The following TRPM3 variants were observed in gnomAD, a reference collection of about 807,000 sequenced individuals.
The protein encoded by TRPM3 is transient receptor potential cation channel subfamily M member 3.
In TRPM3, 77 loss-of-function variants were observed where a neutral mutation model predicts 181.2. The observed-to-expected ratio is 0.42, with a 90% CI of 0.35 to 0.51. The LOEUF is 0.51. Among genes scored for constraint, TRPM3 ranks in the 20% least tolerant of loss-of-function variants. TRPM3 has a pLI of 0.01. For synonymous variants in TRPM3, 745 were observed against 796.4 expected, an observed-to-expected ratio of 0.94 and a Z score of 1.09; for missense variants, 1,759 against 2,196.7, an observed-to-expected ratio of 0.80 and a Z score of 3.98.
intron 1 of TRPM3, among the ~76,000 whole-genome samples, chr9:71,023,399 A>C (rs1474644451): frequency 6.6e-6 from 1 of 152,222 alleles, no homozygotes; most frequent in African/African-American, 2.4e-5. Context: ...ATAAAAGTGC[A>C]TAGTTACTCT....
intron 1 of TRPM3, among the ~76,000 whole-genome samples, chr9:71,051,602 TG>T (rs1342471417): frequency 2.0e-5 from 3 of 149,774 alleles, no homozygotes; most frequent in African/African-American, 4.9e-5. Context: ...GGCGGCGGGG[TG>T]GGGGGGTTAT....
chr9:71,209,056 C>A (rs2079308165), intron 1 of TRPM3, among the ~76,000 whole-genome samples: 1 of 152,094 alleles, frequency 6.6e-6, no homozygotes, highest in African/African-American at 2.4e-5. Context: ...TTTAATTATT[C>A]ATATTCCATA....
chr9:71,178,315 AT>A (rs2077218566), intron 1 of TRPM3, among the ~76,000 whole-genome samples: 1 of 152,140 alleles, frequency 6.6e-6, no homozygotes, highest in South Asian at 2.1e-4. Flanking sequence ...AAACATAAAT[AT>A]TTTCCATAGT....
chr9:71,192,417 G>A (rs556223346), intron 1 of TRPM3, among the ~76,000 whole-genome samples: 4 of 151,734 alleles, frequency 2.6e-5, no homozygotes, highest in Admixed American at 6.6e-5. Flanking sequence ...ACAGAGAATT[G>A]TATGTTATCT....
intron 22 of TRPM3, among the ~76,000 whole-genome samples, chr9:70,554,305 T>A (rs564045303): frequency 6.6e-6 from 1 of 152,120 alleles, no homozygotes; most frequent in Non-Finnish European, 1.5e-5. Flanking sequence ...TATAATGGCT[T>A]TAGAACAAGG....
intron 1 of TRPM3, among the ~76,000 whole-genome samples, chr9:71,206,509 C>A (rs989883051): frequency 4.6e-5 from 7 of 152,058 alleles, no homozygotes; most frequent in African/African-American, 1.7e-4. Context: ...GGACAGACTG[C>A]AAAAATTTTC....
At chr9:71,172,737 G>C (rs1319153749) in intron 1 of TRPM3, among the ~76,000 whole-genome samples, 1 of 152,128 alleles carries the variant, frequency 6.6e-6, no homozygotes, top group African/African-American at 2.4e-5. Context: ...TACTGAACAT[G>C]CTATGCGTTA....
intron 1 of TRPM3, among the ~76,000 whole-genome samples, chr9:71,367,518 A>T (rs2092373634): frequency 2.0e-5 from 3 of 152,162 alleles, no homozygotes; most frequent in Non-Finnish European, 4.4e-5. Flanking sequence ...GATTGGAAAT[A>T]AGGTCACGTA....
chr9:71,440,896 TC>T (rs1563935445), intron 1 of TRPM3, among the ~76,000 whole-genome samples: 3 of 152,236 alleles, frequency 2.0e-5, no homozygotes, highest in African/African-American at 7.2e-5. Flanking sequence ...AGAAATATTT[TC>T]TTACTATTTA....
At chr9:71,333,171 AG>A (rs2090329819) in intron 1 of TRPM3, among the ~76,000 whole-genome samples, 1 of 151,926 alleles carries the variant, frequency 6.6e-6, no homozygotes, top group Non-Finnish European at 1.5e-5. Flanking sequence ...GAATCCCAGC[AG>A]GGAACATGAA....
At chr9:70,947,743 G>A (rs1192147274) in intron 1 of TRPM3, among the ~76,000 whole-genome samples, 4 of 152,278 alleles carry the variant, frequency 2.6e-5, no homozygotes, top group African/African-American at 7.2e-5. Context: ...AGCCAGGTGT[G>A]TGTGGGTGGG....
At chr9:71,061,654 T>C (rs1435012754) in intron 1 of TRPM3, among the ~76,000 whole-genome samples, 2 of 152,104 alleles carry the variant, frequency 1.3e-5, no homozygotes, top group Non-Finnish European at 2.9e-5. Context: ...CAGTCTCTAG[T>C]GAGCATCCCT....
rs770423926 is a variant in TRPM3, at chr9:70,537,315, C to T, written c.3798G>A (p.Ala1266=). 48 of 1,527,144 alleles carry T rather than the reference C, an allele frequency of 3.1e-5. No homozygotes were observed. The highest frequency in any genetic ancestry group is 4.6e-5 in the East Asian group (2 of 43,812). 94.6% of individuals were successfully genotyped at this position (1,527,144 alleles called of 1,614,324 possible). ...ASLQTVDIRL[A]QLEDLIGRMA... is the part of the protein sequence containing the mutation. The stretch of plus-strand genomic sequence containing the variant: ...TGCGCCCGATAAGGTCTTCCAGCTG[C>T]GCCAGCCGGATGTCCACGGTCTGGA... The change falls in exon 26 of 26, where the codon GCG becomes GCA. Residue 1266 remains alanine (A), a synonymous_variant. Transcript: ENST00000677713.
intron 19 of TRPM3, among the ~76,000 whole-genome samples, chr9:70,604,417 C>T (rs554674000): frequency 7.2e-5 from 11 of 152,330 alleles, no homozygotes; most frequent in African/African-American, 2.6e-4. Context: ...GTGAGGTACT[C>T]ACTGGCCTTA....
chr9:70,867,802 T>C (rs539896463), intron 1 of TRPM3, among the ~76,000 whole-genome samples: 2 of 152,236 alleles, frequency 1.3e-5, no homozygotes, highest in South Asian at 4.1e-4. Flanking sequence ...AGTGTGAACA[T>C]CATATATTAG....
At chr9:71,237,562 G>T (rs1233405054) in intron 1 of TRPM3, among the ~76,000 whole-genome samples, 2 of 152,006 alleles carry the variant, frequency 1.3e-5, no homozygotes, top group African/African-American at 4.8e-5. Context: ...CTGCTGACAG[G>T]ATTTAATTTT....
intron 1 of TRPM3, among the ~76,000 whole-genome samples, chr9:71,078,583 A>C (rs1205358464): frequency 6.6e-6 from 1 of 152,204 alleles, no homozygotes; most frequent in Admixed American, 6.5e-5. Context: ...ACTCACCATA[A>C]TTAAAAACAG....
intron 1 of TRPM3, among the ~76,000 whole-genome samples, chr9:71,096,590 A>ACACACACACTCTCACT (rs1452142664): frequency 2.2e-5 from 2 of 89,998 alleles, no homozygotes; most frequent in African/African-American, 1.0e-4. Context: ...ACACACACAC[A>ACACACACACTCTCACT]CTCTCTCTCT....
chr9:71,350,303 T>C (rs2091548257), intron 1 of TRPM3, among the ~76,000 whole-genome samples: 3 of 152,184 alleles, frequency 2.0e-5, no homozygotes, highest in Non-Finnish European at 4.4e-5. Flanking sequence ...GGTCATTACA[T>C]AGAAACTAGT....
Sources: allele counts gnomAD v4.1 joint callset (sites outside exome capture counted in the v4.1 genomes callset), GRCh38; gene constraint gnomAD v4.1.1; transcripts MANE v1.5; gene names NCBI Gene and HGNC (gene_info 2026-07-23, HGNC 2026-07-21).